ASPH: variants seen among roughly 807,000 people sequenced by gnomAD.
The protein encoded by ASPH is aspartyl/asparaginyl beta-hydroxylase.
In ASPH, 100 loss-of-function variants were observed where a neutral mutation model predicts 118.4. The observed-to-expected ratio is 0.84, with a 90% CI of 0.72 to 1.00. The LOEUF (loss-of-function observed/expected upper bound fraction) is 1.00, where lower values mean the gene tolerates loss of function less well. Ranked by LOEUF, ASPH falls within the 50% of genes least tolerant of loss-of-function variation. The pLI is 0.00. For synonymous variants in ASPH, 315 were observed against 325.6 expected (o/e 0.97, Z 0.35); for missense variants, 920 against 919.5 (o/e 1.00, Z -0.01).
intron 1 of ASPH, chr8:61,689,618 G>A (rs1171508224): frequency 1.0e-5 from 15 of 1,493,404 alleles, no homozygotes; most frequent in South Asian, 7.2e-5. Context: ...AAAATAAAGT[G>A]AAAAGCTGTC....
rs548588850 is a variant in ASPH, at chr8:61,547,746, T to C, written c.1764+325A>G. Among the ~76,000 whole-genome samples the C allele has an allele frequency of 1.0e-3, 156 of 152,086 alleles. 2 individuals are homozygous for C. The highest frequency in any genetic ancestry group is 3.4e-3 in the African/African-American group (141 of 41,558). ...TTTAAATAATTCATAAATATATATATAATTTTCTTTCACTTTTAATGTCTA... is the reference window on the plus strand; with the variant it reads ...TTTAAATAATTCATAAATATATATACAATTTTCTTTCACTTTTAATGTCTA... On this transcript the variant is annotated intron_variant, in intron 21 of 24. Transcript: ENST00000379454.
At chr8:61,537,916 G>T (rs1343935438) in intron 21 of ASPH, among the ~76,000 whole-genome samples, 1 of 151,842 alleles carries the variant, frequency 6.6e-6, no homozygotes, top group Non-Finnish European at 1.5e-5. Flanking sequence ...ATAACTCAAA[G>T]AATATAAAAC....
At chr8:61,543,279 C>T (rs1438567616) in intron 21 of ASPH, among the ~76,000 whole-genome samples, 1 of 152,108 alleles carries the variant, frequency 6.6e-6, no homozygotes, top group Admixed American at 6.6e-5. Context: ...CTTGATCGTG[C>T]TCCATAGGTT....
intron 13 of ASPH, chr8:61,626,188 C>T (rs1162913993): frequency 8.6e-6 from 12 of 1,403,430 alleles, no homozygotes; most frequent in Non-Finnish European, 1.0e-5. Flanking sequence ...TCAGTAATTG[C>T]TTCACAAGAT....
intron 10 of ASPH, among the ~76,000 whole-genome samples, chr8:61,639,008 C>G (rs1276729949): frequency 6.6e-6 from 1 of 152,156 alleles, no homozygotes; most frequent in Non-Finnish European, 1.5e-5. Context: ...TTTATTCTTT[C>G]TTATTCATTT....
intron 15 of ASPH, chr8:61,578,620 G>T (rs540514983): frequency 6.4e-7 from 1 of 1,553,944 alleles, no homozygotes; most frequent in South Asian, 1.1e-5. Flanking sequence ...ATGGCTCGGA[G>T]CAACATGGAC....
chr8:61,508,376 T>C (rs1236331053), intron 24 of ASPH, among the ~76,000 whole-genome samples: 3 of 152,208 alleles, frequency 2.0e-5, no homozygotes, highest in Non-Finnish European at 4.4e-5. Flanking sequence ...TCAAAAGATA[T>C]AAGAATATCT....
chr8:61,644,973 G>A (rs1316481295), intron 6 of ASPH, among the ~76,000 whole-genome samples: 1 of 152,018 alleles, frequency 6.6e-6, no homozygotes, highest in Non-Finnish European at 1.5e-5. Context: ...CTATCTCCTC[G>A]ACCTGTCCTA....
chr8:61,575,387 C>A (rs1270875757), intron 16 of ASPH, among the ~76,000 whole-genome samples: 1 of 152,154 alleles, frequency 6.6e-6, no homozygotes, highest in African/African-American at 2.4e-5. Flanking sequence ...ACCACGTCGA[C>A]CCCCTCACAT....
chr8:61,665,706 A>G, intron 3 of ASPH: 1 of 1,250,770 alleles, frequency 8.0e-7, no homozygotes, highest in South Asian at 1.7e-5. Context: ...TTATCTCTCC[A>G]CACACAGGAA....
intron 1 of ASPH, among the ~76,000 whole-genome samples, chr8:61,701,022 T>C (rs751636807): frequency 2.6e-5 from 4 of 152,204 alleles, no homozygotes; most frequent in Admixed American, 6.5e-5. Context: ...CCTATCAAGA[T>C]CTAGAACATC....
chr8:61,688,171 A>G (rs1203791194), intron 1 of ASPH, among the ~76,000 whole-genome samples: 1 of 152,222 alleles, frequency 6.6e-6, no homozygotes, highest in Non-Finnish European at 1.5e-5. Context: ...TGGGAAGAAC[A>G]TCTAGTAGAT....
Position 61,583,961 on chromosome 8 carries a change from C to T in ASPH, c.1045G>A (p.Glu349Lys), listed in dbSNP as rs1322872821. ...KTIKAELDAA[E>K]KLRKRGKIEE... ...CAACCTACCCTTTTACGGAGTTTTT[C>T]TGCAGCATCAAGTTCAGCTTTAATA... is the stretch of plus-strand genomic sequence containing the variant. Residue 349 changes from glutamate to lysine, a missense_variant, in exon 15 of 25, where the codon GAA (glutamate) becomes AAA (lysine). Coordinates refer to ENST00000379454, the MANE Select transcript of ASPH (RefSeq NM_004318.4). 1.3e-6 allele frequency: 2 copies of T among 1,582,872 alleles called. No individual in the cohort carries two copies. Among genetic ancestry groups the T allele is most frequent in the Non-Finnish European group, 1.7e-6 (2 of 1,163,690 alleles).
intron 15 of ASPH, among the ~76,000 whole-genome samples, chr8:61,580,126 C>A (rs1240783604): frequency 6.6e-6 from 1 of 152,022 alleles, no homozygotes; most frequent in Non-Finnish European, 1.5e-5. Context: ...AGGGTACAGT[C>A]CCCCTCCCAG....
chr8:61,546,845 C>A (rs757340826), intron 21 of ASPH, among the ~76,000 whole-genome samples: 80 of 151,956 alleles, frequency 5.3e-4, no homozygotes, highest in South Asian at 8.3e-4. Context: ...TCAACATATA[C>A]CTAAAGGAAG....
chr8:61,526,186 T>A, intron 21 of ASPH, 74 bp from the exon 22 acceptor site: 1 of 1,569,014 alleles, frequency 6.4e-7, no homozygotes. Context: ...TCTTGTTTTT[T>A]TTGAGGTTCG....
intron 13 of ASPH, chr8:61,625,168 T>C (rs1354602687): frequency 1.0e-6 from 1 of 985,618 alleles, no homozygotes; most frequent in Non-Finnish European, 1.2e-6. Context: ...TACCTTCTTT[T>C]CTGACAAAGG....
chr8:61,573,870 G>GCTT (rs1834251041), intron 16 of ASPH, among the ~76,000 whole-genome samples: 2 of 152,146 alleles, frequency 1.3e-5, no homozygotes, highest in African/African-American at 2.4e-5. Context: ...AAACTAAAGA[G>GCTT]CTTCTGCACA....
At chr8:61,607,217 C>A in intron 14 of ASPH, 1 of 693,140 alleles carries the variant, frequency 1.4e-6, no homozygotes, top group South Asian at 1.5e-5. Context: ...CTTCTTTATT[C>A]AGTTCCCCCT....
Sources: allele counts gnomAD v4.1 joint callset (sites outside exome capture counted in the v4.1 genomes callset), GRCh38; gene constraint gnomAD v4.1.1; transcripts MANE v1.5; gene names NCBI Gene and HGNC (gene_info 2026-07-23, HGNC 2026-07-21).